Variants in DNAJC1 observed in about 807,000 individuals in gnomAD.
The protein encoded by DNAJC1 is dnaJ homolog subfamily C member 1.
Under a neutral mutation model 76.6 loss-of-function variants are expected in DNAJC1, and 58 were observed. That is an observed-to-expected ratio of 0.76 (90% CI 0.61 to 0.94). The LOEUF (loss-of-function observed/expected upper bound fraction) is 0.94. DNAJC1 is among the 40% of genes least tolerant of loss of function. The pLI is 0.00. For synonymous variants in DNAJC1, 258 were observed against 267.9 expected, an observed-to-expected ratio of 0.96 and a Z score of 0.36; for missense variants, 689 against 677.3, an observed-to-expected ratio of 1.02 and a Z score of -0.19.
At chr10:21,862,554 A>G (rs1397016757) in intron 8 of DNAJC1, among the ~76,000 whole-genome samples, 2 of 149,800 alleles carry the variant, frequency 1.3e-5, no homozygotes, top group African/African-American at 4.9e-5. Context: ...TCAGCCTCCC[A>G]AGTAGCTGAG....
intron 9 of DNAJC1, among the ~76,000 whole-genome samples, chr10:21,773,246 T>C (rs774955323): frequency 2.6e-5 from 4 of 152,222 alleles, no homozygotes; most frequent in Non-Finnish European, 4.4e-5. Flanking sequence ...ATCTTTCTTC[T>C]TTATTACATA....
chr10:21,985,547 C>A (rs991832876), intron 1 of DNAJC1, among the ~76,000 whole-genome samples: 1 of 152,178 alleles, frequency 6.6e-6, no homozygotes. Flanking sequence ...CCGTGCCCAG[C>A]CACCTGCTTT....
At chr10:21,834,165 G>A (rs1010067985) in intron 8 of DNAJC1, among the ~76,000 whole-genome samples, 7 of 152,184 alleles carry the variant, frequency 4.6e-5, no homozygotes, top group Admixed American at 4.6e-4. Context: ...TCGGGAGGCT[G>A]AGGCAGGACA....
chr10:21,941,312 T>A (rs564874805), intron 1 of DNAJC1, among the ~76,000 whole-genome samples: 1 of 146,804 alleles, frequency 6.8e-6, no homozygotes, highest in Non-Finnish European at 1.5e-5. Flanking sequence ...CAACCAAATG[T>A]CATGTATGGA....
chr10:21,961,657 G>A (rs1034478815), intron 1 of DNAJC1, among the ~76,000 whole-genome samples: 8 of 152,158 alleles, frequency 5.3e-5, no homozygotes, highest in Non-Finnish European at 1.2e-4. Flanking sequence ...TTTTGGATAG[G>A]TAATAGTTGC....
At chr10:21,866,623 C>A (rs1000888585) in intron 8 of DNAJC1, among the ~76,000 whole-genome samples, 2 of 152,086 alleles carry the variant, frequency 1.3e-5, no homozygotes, top group Non-Finnish European at 2.9e-5. Flanking sequence ...TGTAGCTGGT[C>A]AAACAAGCAA....
At chr10:21,772,075 T>C (rs1349398117) in intron 9 of DNAJC1, among the ~76,000 whole-genome samples, 1 of 152,124 alleles carries the variant, frequency 6.6e-6, no homozygotes, top group Non-Finnish European at 1.5e-5. Flanking sequence ...GCAACTACAG[T>C]TGCACACCAC....
chr10:21,836,524 C>G (rs1236591185), intron 8 of DNAJC1, among the ~76,000 whole-genome samples: 7 of 152,250 alleles, frequency 4.6e-5, no homozygotes, highest in African/African-American at 1.4e-4. Flanking sequence ...TTAAGAGACA[C>G]AGACTGGCAA....
intron 8 of DNAJC1, among the ~76,000 whole-genome samples, chr10:21,842,239 A>C (rs1453135324): frequency 6.6e-6 from 1 of 152,038 alleles, no homozygotes; most frequent in African/African-American, 2.4e-5. Flanking sequence ...CTAAAACTTA[A>C]AGTATAATAA....
intron 9 of DNAJC1, among the ~76,000 whole-genome samples, chr10:21,785,009 C>T (rs1285432528): frequency 6.6e-6 from 1 of 151,980 alleles, no homozygotes; most frequent in Non-Finnish European, 1.5e-5. Context: ...ATGTAACAAA[C>T]CTGCATGTTG....
chr10:21,801,688 G>T (rs12266219), intron 9 of DNAJC1, among the ~76,000 whole-genome samples: 6,087 of 152,164 alleles, frequency 0.04, 419 homozygotes, highest in African/African-American at 0.14. Context: ...ACATGCACGT[G>T]AATGTTCACA....
intron 1 of DNAJC1, among the ~76,000 whole-genome samples, chr10:22,000,554 T>G (rs1838502505): frequency 6.6e-6 from 1 of 152,260 alleles, no homozygotes; most frequent in African/African-American, 2.4e-5. Flanking sequence ...AGCTCTTGCC[T>G]CCTGGCCTTT....
intron 1 of DNAJC1, among the ~76,000 whole-genome samples, chr10:21,979,120 T>G (rs1404612163): frequency 1.3e-5 from 2 of 151,844 alleles, no homozygotes; most frequent in East Asian, 3.9e-4. Flanking sequence ...TTCTTGCAAT[T>G]AAAGACAAAA....
rs1422274772 is a variant in DNAJC1, at chr10:21,814,705, TAC to T, written c.979-8608_979-8607del. On this transcript the variant is annotated intron_variant, in intron 8 of 11. Transcript: ENST00000376980. ...TTCAGGGAGATCTCGCAGAGAAAGATACACTCTTGTATTATAGGAAACCAAGG... is the reference window on the plus strand; with the variant it reads ...TTCAGGGAGATCTCGCAGAGAAAGATACTCTTGTATTATAGGAAACCAAGG... Among the ~76,000 whole-genome samples, 9 of 152,306 alleles carry T rather than the reference TAC, an allele frequency of 5.9e-5. No individual in the cohort carries two copies. In the East Asian group the frequency reaches 9.6e-4, roughly 16 times the overall value.
At chr10:21,825,547 T>C (rs1474836520) in intron 8 of DNAJC1, among the ~76,000 whole-genome samples, 1 of 152,238 alleles carries the variant, frequency 6.6e-6, no homozygotes, top group Non-Finnish European at 1.5e-5. Flanking sequence ...TGTACACCTA[T>C]GAGCGGAATT....
chr10:22,001,224 G>C (rs1301561767), intron 1 of DNAJC1, among the ~76,000 whole-genome samples: 7 of 152,116 alleles, frequency 4.6e-5, no homozygotes, highest in African/African-American at 1.7e-4. Context: ...CTTTGTTCTG[G>C]TCCCTCATGT....
chr10:21,958,713 A>T (rs1195868068), intron 1 of DNAJC1, among the ~76,000 whole-genome samples: 2 of 152,046 alleles, frequency 1.3e-5, no homozygotes, highest in Non-Finnish European at 2.9e-5. Flanking sequence ...GGAGTGAGCC[A>T]CCGCGCCTGG....
At chr10:21,844,643 T>C (rs148294495) in intron 8 of DNAJC1, among the ~76,000 whole-genome samples, 2,349 of 152,314 alleles carry the variant, frequency 0.015, 37 homozygotes, top group Middle Eastern at 0.034. Flanking sequence ...TTGTTTAGTT[T>C]ACTAATACAT....
chr10:21,879,425 A>C (rs1185513175), intron 8 of DNAJC1, among the ~76,000 whole-genome samples: 1 of 152,092 alleles, frequency 6.6e-6, no homozygotes, highest in Non-Finnish European at 1.5e-5. Context: ...AGAGTTTGAG[A>C]CCAGCCTGGC....
Sources: allele counts gnomAD v4.1 joint callset (sites outside exome capture counted in the v4.1 genomes callset), GRCh38; gene constraint gnomAD v4.1.1; transcripts MANE v1.5; gene names NCBI Gene and HGNC (gene_info 2026-07-23, HGNC 2026-07-21).